The following WWOX variants were observed in gnomAD, a reference collection of about 807,000 sequenced individuals.
WWOX encodes WW domain containing oxidoreductase.
Under a neutral mutation model 46.2 loss-of-function variants are expected in WWOX, and 69 were observed. That is an observed-to-expected ratio of 1.49 (90% CI 1.23 to 1.82). WWOX has a LOEUF of 1.82. Ranked by LOEUF, WWOX falls within the 40% of genes most tolerant of loss-of-function variation. The pLI is 0.00. For synonymous variants in WWOX, 359 were observed against 202.6 expected, an observed-to-expected ratio of 1.77 and a Z score of -6.56; for missense variants, 919 against 542.6, an observed-to-expected ratio of 1.69 and a Z score of -6.89.
At chr16:78,969,616 T>A (rs1018987410) in intron 8 of WWOX, among the ~76,000 whole-genome samples, 1 of 152,192 alleles carries the variant, frequency 6.6e-6, no homozygotes, top group Non-Finnish European at 1.5e-5. Context: ...GTTGCATATT[T>A]TTGTATTTCA....
intron 8 of WWOX, among the ~76,000 whole-genome samples, chr16:78,621,193 G>A (rs528230790): frequency 3.9e-5 from 6 of 152,112 alleles, no homozygotes; most frequent in East Asian, 1.9e-4. Context: ...GGGGATCTGC[G>A]AAACATTAAA....
intron 8 of WWOX, among the ~76,000 whole-genome samples, chr16:78,508,780 C>G (rs575810276): frequency 3.3e-5 from 5 of 152,316 alleles, no homozygotes; most frequent in South Asian, 2.1e-4. Context: ...GCCGATGTCT[C>G]TCCACAGGGC....
intron 6 of WWOX, among the ~76,000 whole-genome samples, chr16:78,410,700 G>A (rs1211099796): frequency 6.9e-6 from 1 of 144,542 alleles, no homozygotes; most frequent in Non-Finnish European, 1.5e-5. Flanking sequence ...CAGTTAGTTG[G>A]GGGGCTAAGG....
chr16:78,702,101 T>TAC lies in WWOX; in HGVS notation c.1056+269350_1056+269351insCA, dbSNP rs1491351845. 5.5e-4 allele frequency among the ~76,000 whole-genome samples: 8 copies of TAC among 14,640 alleles called. 1 individual carries two copies. The highest frequency in any genetic ancestry group is 1.3e-3 in the African/African-American group (7 of 5,562). 9.6% of individuals were successfully genotyped at this position (14,640 alleles called of 152,430 possible). A position where few individuals can be genotyped will look rare whatever the true frequency, so the allele number is the denominator to read the frequency against. On this transcript the variant is annotated intron_variant, in intron 8 of 8. Transcript: ENST00000566780. ...AGTTTTATATTTATATCTATAAAGT[T>TAC]ATATATATATATATATATATATTTA... is the stretch of plus-strand genomic sequence containing the variant.
chr16:78,607,644 C>CTTT (rs4035989), intron 8 of WWOX, among the ~76,000 whole-genome samples: 64,114 of 141,294 alleles, frequency 0.45, 17,195 homozygotes, highest in Admixed American at 0.59. Context: ...ATTTGTTCTT[C>CTTT]TTTTTTTTTT....
Position 79,180,674 on chromosome 16 carries a change from C to G in WWOX, c.1057-30934C>G, listed in dbSNP as rs1024465881. 7.9e-5 allele frequency among the ~76,000 whole-genome samples: 12 copies of G among 152,256 alleles called. 1 individual carries two copies. The highest frequency in any genetic ancestry group is 3.3e-4 in the Admixed American group (5 of 15,288). Reference sequence around the variant, plus strand: ...CTCTTCTTCTTTCTCTCTCTTCTCTCTCTCTTTCTCCCTCCCTCCCTCCAT... The same window carrying G: ...CTCTTCTTCTTTCTCTCTCTTCTCTGTCTCTTTCTCCCTCCCTCCCTCCAT... On this transcript the variant is annotated intron_variant, in intron 8 of 8. Transcript: ENST00000566780.
At chr16:78,474,482 A>G (rs557926811) in intron 8 of WWOX, among the ~76,000 whole-genome samples, 7 of 152,238 alleles carry the variant, frequency 4.6e-5, no homozygotes, top group African/African-American at 9.6e-5. Context: ...CCACCCCCTC[A>G]TCGTGGTTCC....
intron 8 of WWOX, among the ~76,000 whole-genome samples, chr16:78,463,399 A>T (rs1424936586): frequency 6.6e-6 from 1 of 152,208 alleles, no homozygotes; most frequent in Non-Finnish European, 1.5e-5. Flanking sequence ...CTGCTAATTT[A>T]TATAGACTGG....
At chr16:78,464,024 G>A (rs994286413) in intron 8 of WWOX, among the ~76,000 whole-genome samples, 1 of 152,124 alleles carries the variant, frequency 6.6e-6, no homozygotes, top group Non-Finnish European at 1.5e-5. Context: ...GACAGGCAAG[G>A]CAGTGGGCTG....
intron 8 of WWOX, among the ~76,000 whole-genome samples, chr16:78,544,813 T>C (rs1302617094): frequency 6.6e-6 from 1 of 152,128 alleles, no homozygotes; most frequent in East Asian, 1.9e-4. Flanking sequence ...AGTTCAAGGC[T>C]GCAGTGAGCT....
intron 8 of WWOX, among the ~76,000 whole-genome samples, chr16:78,919,808 C>A (rs942658179): frequency 1.3e-5 from 2 of 152,156 alleles, no homozygotes; most frequent in Non-Finnish European, 2.9e-5. Context: ...AGCCACTGCA[C>A]CTGACTAAGT....
chr16:78,593,225 T>A (rs2738540), intron 8 of WWOX, among the ~76,000 whole-genome samples: 98,214 of 151,690 alleles, frequency 0.65, 35,015 homozygotes, highest in Non-Finnish European at 0.8. Context: ...TTTATGTGTA[T>A]AGATGGGATT....
rs192088775 is a variant in WWOX at position 78,748,784 on chromosome 16, G to C, written c.1056+316032G>C. Among the ~76,000 whole-genome samples, 3 of 152,304 alleles carry C rather than the reference G, an allele frequency of 2.0e-5. No individual in the cohort carries two copies. In the East Asian group the frequency reaches 5.8e-4, roughly 29 times the overall value. On this transcript the variant is annotated intron_variant, in intron 8 of 8. Transcript: ENST00000566780. ...CTGCTCGGTGATATTACATCTGCAT[G>C]CGTCTTGCCCTCTGACACGGCAAAC... is the stretch of plus-strand genomic sequence containing the variant.
intron 8 of WWOX, among the ~76,000 whole-genome samples, chr16:78,952,311 T>G (rs1172882529): frequency 6.6e-6 from 1 of 152,188 alleles, no homozygotes; most frequent in African/African-American, 2.4e-5. Context: ...TAAGTTTTCA[T>G]AGTTCTGTGC....
intron 8 of WWOX, among the ~76,000 whole-genome samples, chr16:78,484,832 G>C (rs2084588714): frequency 6.6e-6 from 1 of 152,130 alleles, no homozygotes; most frequent in African/African-American, 2.4e-5. Flanking sequence ...GTGGGGTGGG[G>C]GGAAGCGAAT....
intron 8 of WWOX, among the ~76,000 whole-genome samples, chr16:79,009,980 C>G (rs1012285493): frequency 3.3e-5 from 5 of 152,150 alleles, no homozygotes; most frequent in Non-Finnish European, 7.3e-5. Flanking sequence ...TTCTCTGAAC[C>G]TCAGTATCCT....
intron 8 of WWOX, among the ~76,000 whole-genome samples, chr16:78,610,435 T>G (rs1040357172): frequency 1.3e-5 from 2 of 152,224 alleles, no homozygotes; most frequent in African/African-American, 4.8e-5. Context: ...AATCTGTCTT[T>G]GAACGAGGAG....
At chr16:78,991,023 A>G (rs2046877112) in intron 8 of WWOX, among the ~76,000 whole-genome samples, 1 of 152,246 alleles carries the variant, frequency 6.6e-6, no homozygotes, top group Admixed American at 6.5e-5. Context: ...TGTTAGATTT[A>G]TAAAGTGCCT....
Position 78,977,200 on chromosome 16 carries a change from G to A in WWOX, c.1057-234408G>A, listed in dbSNP as rs1014562766. 2.0e-5 allele frequency among the ~76,000 whole-genome samples: 3 copies of A among 152,108 alleles called. No individual in the cohort carries two copies. In the South Asian group the frequency reaches 6.2e-4, roughly 32 times the overall value. Reference sequence around the variant, plus strand: ...GTGTTTGTTTTGAACCACTTATTTTGGCAAGACTTCTTCAGACAGGAGAGC... The same window carrying A: ...GTGTTTGTTTTGAACCACTTATTTTAGCAAGACTTCTTCAGACAGGAGAGC... On this transcript the variant is annotated intron_variant, in intron 8 of 8. Transcript: ENST00000566780.
Sources: gnomAD v4.1 joint callset for allele counts (sites outside exome capture counted in the v4.1 genomes callset) on GRCh38, gnomAD v4.1.1 for gene constraint, MANE v1.5 for transcripts, NCBI Gene and HGNC (gene_info 2026-07-23, HGNC 2026-07-21) for gene names.